The following NDNF variants were observed in gnomAD, a reference collection of about 807,000 sequenced individuals.
The protein encoded by NDNF is protein NDNF.
Under a neutral mutation model 42.0 loss-of-function variants are expected in NDNF, and 16 were observed. The ratio of observed to expected loss-of-function variants is 0.38; its 90% CI spans 0.26 to 0.58. NDNF has a LOEUF of 0.58. NDNF is among the 20% of genes least tolerant of loss of function. The pLI, the probability that NDNF is intolerant of heterozygous loss-of-function variation, is 0.67. For missense variants in NDNF, 616 were observed against 666.2 expected (o/e 0.92, Z 0.83); for synonymous variants, 248 against 251.7 (o/e 0.99, Z 0.14).
intron 1 of NDNF, among the ~76,000 whole-genome samples, chr4:121,059,179 A>T (rs1251672967): frequency 1.3e-5 from 2 of 152,196 alleles, no homozygotes; most frequent in African/African-American, 2.4e-5. Flanking sequence ...GACCATCTTA[A>T]ATTGTTTGTA....
intron 1 of NDNF, among the ~76,000 whole-genome samples, chr4:121,055,468 A>T (rs376612181): frequency 3.3e-5 from 5 of 152,244 alleles, no homozygotes; most frequent in Admixed American, 2.0e-4. Context: ...ATAAAATGAC[A>T]AACAGAAAGT....
rs1377876179 is a variant in NDNF, at chr4:121,047,026, TTAAA to T, written c.-1-1192_-1-1189del. Among the ~76,000 whole-genome samples, 4 of 152,342 alleles carry T rather than the reference TTAAA, an allele frequency of 2.6e-5. No individual in the cohort carries two copies. The East Asian group carries it at 7.7e-4, about 29-fold the overall frequency. On this transcript the variant is annotated intron_variant, in intron 1 of 3. Transcript: ENST00000379692. ...TATAGTGTTTTTACATTGAGGTACT[TTAAA>T]TAGCAAATATTTGTGATAATTCAAG...
chr4:121,060,235 C>T (rs1033662259), intron 1 of NDNF, among the ~76,000 whole-genome samples: 5 of 151,926 alleles, frequency 3.3e-5, no homozygotes, highest in Non-Finnish European at 7.4e-5. Context: ...GGCTGGAGTG[C>T]AGTGGTGCAA....
At chr4:121,060,177 G>GT (rs914825854) in intron 1 of NDNF, among the ~76,000 whole-genome samples, 3 of 151,728 alleles carry the variant, frequency 2.0e-5, no homozygotes, top group East Asian at 1.9e-4. Flanking sequence ...ACCTTCTTTA[G>GT]TTTTTTTATT....
At chr4:121,070,934 G>C (rs909244064) in intron 1 of NDNF, among the ~76,000 whole-genome samples, 2 of 152,166 alleles carry the variant, frequency 1.3e-5, no homozygotes, top group Non-Finnish European at 2.9e-5. Context: ...GGCAAACTCC[G>C]AGGAGCTGAT....
Position 121,045,798 on chromosome 4 carries a change from G to T in NDNF, c.40C>A (p.Pro14Thr), listed in dbSNP as rs781487653. 7 of 1,614,138 alleles carry T rather than the reference G, an allele frequency of 4.3e-6. No homozygotes were observed. The highest frequency in any genetic ancestry group is 5.9e-6 in the Non-Finnish European group (7 of 1,180,026). Residue 14 changes from proline (P) to threonine (T), a missense_variant, in exon 2 of 4, where the codon CCA becomes ACA. Transcript: ENST00000379692. Reference protein sequence around the residue: ...LHWCLLWLLFPLSSRTQKLPT... With the variant: ...LHWCLLWLLFTLSSRTQKLPT... ...AACTTCTGGGTCCTTGAGCTGAGTG[G>T]AAACAGGAGCCACAGCAGGCACCAG...
At chr4:121,062,774 G>A (rs1289126638) in intron 1 of NDNF, among the ~76,000 whole-genome samples, 9 of 151,918 alleles carry the variant, frequency 5.9e-5, no homozygotes, top group Admixed American at 1.3e-4. Context: ...GGTGAGTGTC[G>A]CGGTCAACAA....
chr4:121,070,900 CAG>C (rs1312990516), intron 1 of NDNF, among the ~76,000 whole-genome samples: 3 of 152,088 alleles, frequency 2.0e-5, no homozygotes, highest in Admixed American at 6.5e-5. Context: ...AGGGACAGCT[CAG>C]AGACAGCGTA....
chr4:121,047,125 GATTTTA>G (rs1438603693), intron 1 of NDNF, among the ~76,000 whole-genome samples: 4 of 152,150 alleles, frequency 2.6e-5, no homozygotes, highest in South Asian at 2.1e-4. Flanking sequence ...AACATCATTT[GATTTTA>G]ATTTTATCTT....
intron 1 of NDNF, among the ~76,000 whole-genome samples, chr4:121,048,454 C>A (rs920740626): frequency 6.6e-6 from 1 of 152,116 alleles, no homozygotes; most frequent in Non-Finnish European, 1.5e-5. Context: ...TAGGTCAGCC[C>A]GAGTTGGAAA....
At chr4:121,040,901 T>TTC (rs1186176631) in intron 2 of NDNF, among the ~76,000 whole-genome samples, 1 of 152,306 alleles carries the variant, frequency 6.6e-6, no homozygotes, top group African/African-American at 2.4e-5. Flanking sequence ...TGCCTCAGCC[T>TTC]TCCAAAGCAC....
chr4:121,055,956 G>A (rs1560608115), intron 1 of NDNF, among the ~76,000 whole-genome samples: 1 of 152,166 alleles, frequency 6.6e-6, no homozygotes, highest in Non-Finnish European at 1.5e-5. Flanking sequence ...GAAAGTGGTT[G>A]TTATGGTAAA....
chr4:121,058,774 C>T (rs1323520288), intron 1 of NDNF, among the ~76,000 whole-genome samples: 1 of 152,146 alleles, frequency 6.6e-6, no homozygotes, highest in Non-Finnish European at 1.5e-5. Flanking sequence ...CCACTTATTG[C>T]ATCTCACCTA....
intron 1 of NDNF, among the ~76,000 whole-genome samples, chr4:121,057,061 G>A (rs1201140206): frequency 1.3e-5 from 2 of 152,194 alleles, no homozygotes; most frequent in African/African-American, 4.8e-5. Flanking sequence ...TGAAGATCTT[G>A]AGCTCGTAGA....
intron 1 of NDNF, among the ~76,000 whole-genome samples, chr4:121,065,130 T>G (rs556932453): frequency 6.6e-6 from 1 of 152,318 alleles, no homozygotes; most frequent in African/African-American, 2.4e-5. Flanking sequence ...GCATTAATTT[T>G]GCTTCATACA....
intron 2 of NDNF, among the ~76,000 whole-genome samples, chr4:121,045,079 G>A (rs757204583): frequency 3.9e-5 from 6 of 152,234 alleles, no homozygotes; most frequent in Admixed American, 6.5e-5. Flanking sequence ...GAGGCCGGGC[G>A]CAGTGGCTTA....
chr4:121,053,343 T>G (rs561727104), intron 1 of NDNF, among the ~76,000 whole-genome samples: 1 of 152,322 alleles, frequency 6.6e-6, no homozygotes, highest in African/African-American at 2.4e-5. Context: ...TGATGCAGAG[T>G]TCCTAACAGG....
chr4:121,046,202 A>G (rs1398091862), intron 1 of NDNF, among the ~76,000 whole-genome samples: 1 of 152,198 alleles, frequency 6.6e-6, no homozygotes, highest in Non-Finnish European at 1.5e-5. Context: ...CACGAAAATA[A>G]TCTCTTAAGG....
chr4:121,064,778 A>AC lies in NDNF; in HGVS notation c.-2+7214dup, dbSNP rs1184160257. Reference sequence around the variant, plus strand: ...GGTGTGTCTGAATACACACATACATACTTATAATACATTAAAAAATACTTA... The same window carrying AC: ...GGTGTGTCTGAATACACACATACATACCTTATAATACATTAAAAAATACTTA... On this transcript the variant is annotated intron_variant, in intron 1 of 3. Transcript: ENST00000379692. 2.0e-5 allele frequency among the ~76,000 whole-genome samples: 3 copies of AC among 152,170 alleles called. No individual in the cohort carries two copies. The East Asian group carries it at 5.8e-4, about 29-fold the overall frequency.
Sources: allele counts gnomAD v4.1 joint callset (sites outside exome capture counted in the v4.1 genomes callset), GRCh38; gene constraint gnomAD v4.1.1; transcripts MANE v1.5; gene names NCBI Gene and HGNC (gene_info 2026-07-23, HGNC 2026-07-21).